PUM2: variants seen among roughly 807,000 people sequenced by gnomAD.
The protein encoded by PUM2 is pumilio RNA binding family member 2.
PUM2 carries 57 observed loss-of-function variants against 124.5 expected under a neutral mutation model. The observed-to-expected ratio is 0.46, with a 90% CI of 0.37 to 0.57. The LOEUF (loss-of-function observed/expected upper bound fraction) is 0.57. PUM2 is among the 20% of genes least tolerant of loss of function. PUM2 has a pLI of 0.00. For synonymous variants in PUM2, 460 were observed against 446.1 expected, an observed-to-expected ratio of 1.03 and a Z score of -0.39; for missense variants, 1,065 against 1,290.6, an observed-to-expected ratio of 0.83 and a Z score of 2.68.
At chr2:20,275,933 A>AG (rs1204237709) in intron 13 of PUM2, among the ~76,000 whole-genome samples, 1 of 152,160 alleles carries the variant, frequency 6.6e-6, no homozygotes, top group African/African-American at 2.4e-5. Flanking sequence ...AACAATTGTT[A>AG]AAGACATTTA....
chr2:20,258,413 A>C, intron 15 of PUM2, 42 bp from the exon 16 acceptor site: 1 of 1,593,506 alleles, frequency 6.3e-7, no homozygotes, highest in Non-Finnish European at 8.6e-7. Context: ...TGACCTTAAT[A>C]TTGCTTTGTT....
intron 9 of PUM2, among the ~76,000 whole-genome samples, chr2:20,293,175 T>C (rs911887634): frequency 2.0e-4 from 31 of 152,190 alleles, no homozygotes; most frequent in Admixed American, 2.0e-4. Flanking sequence ...TACATAGCTG[T>C]TGTAGCAATC....
At chr2:20,286,991 G>C (rs1490254515) in intron 10 of PUM2, among the ~76,000 whole-genome samples, 1 of 150,220 alleles carries the variant, frequency 6.7e-6, no homozygotes, top group African/African-American at 2.4e-5. Context: ...AGTGGGAAAA[G>C]GAAAAAAAAA....
intron 8 of PUM2, among the ~76,000 whole-genome samples, chr2:20,295,226 T>G (rs1010866225): frequency 6.6e-6 from 1 of 152,202 alleles, no homozygotes; most frequent in African/African-American, 2.4e-5. Flanking sequence ...AGATAATATT[T>G]GATTCCTAGA....
At chr2:20,274,263 A>G (rs1326946756) in intron 13 of PUM2, among the ~76,000 whole-genome samples, 2 of 152,190 alleles carry the variant, frequency 1.3e-5, no homozygotes, top group Non-Finnish European at 2.9e-5. Context: ...TGTAACTGCT[A>G]AAGGATAACA....
At chr2:20,276,607 T>C (rs951495420) in intron 13 of PUM2, among the ~76,000 whole-genome samples, 5 of 152,106 alleles carry the variant, frequency 3.3e-5, no homozygotes, top group Non-Finnish European at 7.4e-5. Context: ...AAGAAATATT[T>C]TTCTTTTTTT....
intron 13 of PUM2, among the ~76,000 whole-genome samples, chr2:20,268,862 T>C (rs900127612): frequency 5.9e-5 from 9 of 152,282 alleles, no homozygotes; most frequent in African/African-American, 2.2e-4. Context: ...TTTTTTTGTT[T>C]CTGAAATGTG....
intron 12 of PUM2, among the ~76,000 whole-genome samples, chr2:20,281,832 A>T (rs1374057113): frequency 6.6e-6 from 1 of 152,218 alleles, no homozygotes; most frequent in Non-Finnish European, 1.5e-5. Context: ...ATGAAAAAAG[A>T]TTCTGCCATC....
In PUM2 at chr2:20,327,300, A is replaced by C. The variant is rs368849141; in HGVS notation, c.51+10T>G. 1.6e-5 allele frequency: 25 copies of C among 1,530,234 alleles called. No individual in the cohort carries two copies. Among genetic ancestry groups the C allele is most frequent in the Non-Finnish European group, 2.2e-5 (24 of 1,109,746 alleles). 94.8% of individuals were successfully genotyped at this position (1,530,234 alleles called of 1,614,324 possible). A position where few individuals can be genotyped will look rare whatever the true frequency, so the allele number is the denominator to read the frequency against. On this transcript the variant is annotated intron_variant, in intron 2 of 20. Transcript: ENST00000361078. ...TGAGGTGTAAGTTCTTAGTATTTGC[A>C]AACATTTACCTCTCCCATTCCCCGA...
chr2:20,330,102 A>G (rs1276482990), intron 1 of PUM2, among the ~76,000 whole-genome samples: 1 of 152,212 alleles, frequency 6.6e-6, no homozygotes, highest in African/African-American at 2.4e-5. Context: ...AACATATTAC[A>G]TAAAGAGGAA....
intron 1 of PUM2, among the ~76,000 whole-genome samples, chr2:20,348,169 A>T (rs888622514): frequency 2.0e-5 from 3 of 150,056 alleles, no homozygotes; most frequent in African/African-American, 7.3e-5. Flanking sequence ...TTAAAAATTA[A>T]TAATAATAAT....
chr2:20,302,024 G>T (rs1290775489), intron 7 of PUM2, among the ~76,000 whole-genome samples: 9 of 152,128 alleles, frequency 5.9e-5, no homozygotes, highest in Middle Eastern at 6.8e-3. Flanking sequence ...AGATACACAG[G>T]TCTGTACATT....
At chr2:20,288,063 G>A (rs1673129206) in intron 10 of PUM2, among the ~76,000 whole-genome samples, 1 of 152,158 alleles carries the variant, frequency 6.6e-6, no homozygotes, top group South Asian at 2.1e-4. Flanking sequence ...CTCTCCTGAG[G>A]AATAAGTCTA....
rs1664512396 is a variant in PUM2, at chr2:20,255,296, G to A, written c.2668C>T (p.Arg890Cys). Residue 890 changes from arginine (R) to cysteine (C), a missense_variant, in exon 18 of 21, where the codon CGC (arginine) becomes TGC (cysteine). Physicochemically the swap from Arg to Cys is radical, Grantham distance 180. Coordinates refer to ENST00000361078, the MANE Select transcript of PUM2 (RefSeq NM_015317.5). ...THPYGCRVIQ[R>C]ILEHCTAEQT... ...TCTGCAGTGCAATGCTCTAGGATGC[G>A]CTGAATTACTCTGCAGCCATAAGGA... The A allele has an allele frequency of 6.2e-7, 1 of 1,610,614 alleles. No individual in the cohort carries two copies. Among genetic ancestry groups the A allele is most frequent in the Non-Finnish European group, 8.5e-7 (1 of 1,177,132 alleles).
At chr2:20,269,013 C>T (rs960916712) in intron 13 of PUM2, among the ~76,000 whole-genome samples, 4 of 151,944 alleles carry the variant, frequency 2.6e-5, no homozygotes, top group Non-Finnish European at 5.9e-5. Flanking sequence ...AATAACTTAT[C>T]CAAGAAAGCA....
intron 1 of PUM2, among the ~76,000 whole-genome samples, chr2:20,328,459 G>A (rs1179499969): frequency 1.3e-5 from 2 of 152,042 alleles, no homozygotes; most frequent in African/African-American, 2.4e-5. Flanking sequence ...AGACAGGTGA[G>A]AAAAAAGGAA....
intron 2 of PUM2, among the ~76,000 whole-genome samples, chr2:20,325,565 T>C (rs1319405250): frequency 6.6e-6 from 1 of 151,480 alleles, no homozygotes. Context: ...ATATACAATA[T>C]ACATCTAAGA....
chr2:20,351,978 G>T (rs1689384811), upstream of PUM2, among the ~76,000 whole-genome samples: 1 of 152,108 alleles, frequency 6.6e-6, no homozygotes, highest in Non-Finnish European at 1.5e-5. Context: ...CAGGCTTCTA[G>T]ATATTTTCAC....
intron 10 of PUM2, among the ~76,000 whole-genome samples, chr2:20,284,485 G>A (rs1672269375): frequency 1.3e-5 from 2 of 152,034 alleles, no homozygotes; most frequent in Non-Finnish European, 2.9e-5. Context: ...CATCCTAAGT[G>A]GCTGGGACTA....
Sources: gnomAD v4.1 joint callset for allele counts (sites outside exome capture counted in the v4.1 genomes callset) on GRCh38, gnomAD v4.1.1 for gene constraint, MANE v1.5 for transcripts, NCBI Gene and HGNC (gene_info 2026-07-23, HGNC 2026-07-21) for gene names.